AXIN2: variants seen among roughly 807,000 people sequenced by gnomAD.
The protein encoded by AXIN2 is axin-2.
In AXIN2, 21 loss-of-function variants were observed where a neutral mutation model predicts 74.7. The observed-to-expected ratio is 0.28, with a 90% CI of 0.20 to 0.40. The LOEUF (loss-of-function observed/expected upper bound fraction) is 0.40. AXIN2 is among the 10% of genes least tolerant of loss of function. AXIN2 has a pLI of 1.00. For missense variants in AXIN2, 1,144 were observed against 1,111.1 expected (o/e 1.03, Z -0.42); for synonymous variants, 532 against 454.9 (o/e 1.17, Z -2.16).
chr17:65,560,189 T>C (rs1217248705), intron 1 of AXIN2: 1 of 151,968 alleles, frequency 6.6e-6, no homozygotes, highest in Admixed American at 6.5e-5. Flanking sequence ...AGTCCAGAAA[T>C]GGCGACGCGC....
intron 4 of AXIN2, among the ~76,000 whole-genome samples, chr17:65,539,120 GCAAA>G (rs1426510322): frequency 1.3e-5 from 2 of 152,192 alleles, no homozygotes; most frequent in Admixed American, 6.5e-5. Context: ...GCCAAAAGCA[GCAAA>G]CAGAGAGAAC....
intron 2 of AXIN2, among the ~76,000 whole-genome samples, chr17:65,555,030 A>T (rs188330756): frequency 6.6e-6 from 1 of 152,202 alleles, no homozygotes; most frequent in East Asian, 1.9e-4. Flanking sequence ...AACCACTCAG[A>T]CCAGAGTCCT....
rs1567749073 is a variant in AXIN2 at position 65,529,302 on chromosome 17, G to A, written c.*674C>T. Reference sequence around the variant, plus strand: ...CAAAATGTTGATGATGACGCAACATGGTCAACCCTCAAGACCTTTAAGACA... The same window carrying A: ...CAAAATGTTGATGATGACGCAACATAGTCAACCCTCAAGACCTTTAAGACA... On this transcript the variant is annotated 3_prime_UTR_variant, in exon 11 of 11. Coordinates refer to ENST00000307078, the MANE Select transcript of AXIN2 (RefSeq NM_004655.4). 4.7e-5 allele frequency: 11 copies of A among 236,448 alleles called. No homozygotes were observed. In the South Asian group the frequency reaches 1.9e-3, roughly 42 times the overall value. 14.6% of individuals were successfully genotyped at this position (236,448 alleles called of 1,614,324 possible).
intron 10 of AXIN2, 99 bp downstream of exon 10, chr17:65,533,812 GC>G: frequency 1.6e-6 from 1 of 610,176 alleles, no homozygotes; most frequent in Non-Finnish European, 2.8e-6. Flanking sequence ...CTCCCACCCT[GC>G]CCCACCTAGG....
intron 4 of AXIN2, among the ~76,000 whole-genome samples, chr17:65,539,296 G>A (rs1238443468): frequency 2.0e-5 from 3 of 152,114 alleles, no homozygotes; most frequent in Non-Finnish European, 2.9e-5. Flanking sequence ...GCAAAGGCTA[G>A]CATCTCCCCC....
chr17:65,537,890 G>A (rs1328794273), intron 5 of AXIN2, 55 bp from the exon 6 acceptor site: 5 of 1,496,842 alleles, frequency 3.3e-6, no homozygotes, highest in East Asian at 2.4e-5. Context: ...AGGGCCAGAG[G>A]CCCTGGGGTT....
At chr17:65,540,890 TTTTTC>T (rs1314510368) in intron 4 of AXIN2, among the ~76,000 whole-genome samples, 2 of 152,148 alleles carry the variant, frequency 1.3e-5, no homozygotes, top group Non-Finnish European at 2.9e-5. Context: ...TTTTCTTTGT[TTTTTC>T]TTTTGAGAAG....
intron 9 of AXIN2, 144 bp downstream of exon 9, chr17:65,535,482 T>A: frequency 1.2e-6 from 1 of 801,442 alleles, no homozygotes; most frequent in Non-Finnish European, 2.1e-6. Context: ...AACATCTACG[T>A]TTACTGTTCC....
intron 1 of AXIN2, chr17:65,560,825 C>T (rs942130893): frequency 3.3e-5 from 5 of 150,628 alleles, no homozygotes; most frequent in African/African-American, 1.2e-4. Flanking sequence ...CGGCACTCAC[C>T]ATTGATCCCC....
At position 65,529,864 on chromosome 17, in the gene AXIN2, C is replaced by A; in HGVS notation, c.*112G>T. The A allele has an allele frequency of 1.3e-6, 2 of 1,582,344 alleles. No individual in the cohort carries two copies. Among genetic ancestry groups the A allele is most frequent in the Non-Finnish European group, 8.6e-7 (1 of 1,159,708 alleles). On this transcript the variant is annotated 3_prime_UTR_variant, in exon 11 of 11. Coordinates refer to ENST00000307078, the MANE Select transcript of AXIN2 (RefSeq NM_004655.4). ...TGGCCGATTCTTCCTTAGACTTTGT[C>A]TTCTTCATTGGTTTAATTTTCCTTC...
At chr17:65,557,181 C>G (rs1321988030) in intron 2 of AXIN2, among the ~76,000 whole-genome samples, 1 of 152,196 alleles carries the variant, frequency 6.6e-6, no homozygotes, top group African/African-American at 2.4e-5. Flanking sequence ...TGCCAGCAAG[C>G]TCTAAAGGTA....
At position 65,557,849 on chromosome 17, in the gene AXIN2, T is replaced by C. The variant is rs1183931601; in HGVS notation, c.772A>G (p.Thr258Ala). The C allele has an allele frequency of 6.2e-7, 1 of 1,614,194 alleles. No homozygotes were observed. The highest frequency in any genetic ancestry group is 8.5e-7 in the Non-Finnish European group (1 of 1,180,030). ...VGLSSKTLRA[T>A]ASVRSTETVD... The stretch of plus-strand genomic sequence containing the variant: ...GTTTCCGTGGACCTCACACTCGCCG[T>C]GGCCCTCAGAGTTTTGCTGGACAAG... The change falls in exon 2 of 11, where the codon ACG becomes GCG. Residue 258 changes from threonine to alanine, a missense_variant. Physicochemically the swap from Thr to Ala is moderately conservative, Grantham distance 58 (BLOSUM62 0). Transcript: ENST00000307078.
chr17:65,555,999 G>A (rs1041646185), intron 2 of AXIN2, among the ~76,000 whole-genome samples: 3 of 152,036 alleles, frequency 2.0e-5, no homozygotes, highest in Admixed American at 1.3e-4. Flanking sequence ...TGATGTCCAC[G>A]GTTCACAGCC....
At position 65,530,060 on chromosome 17, in the gene AXIN2, C is replaced by T. The variant is rs752357462; in HGVS notation, c.2448G>A (p.Ala816=). The T allele has an allele frequency of 7.4e-6, 12 of 1,614,034 alleles. No homozygotes were observed. Among genetic ancestry groups the T allele is most frequent in the East Asian group, 2.2e-5 (1 of 44,894 alleles). The change falls in exon 11 of 11, where the codon GCG becomes GCA. Residue 816 remains alanine, a synonymous_variant. Coordinates refer to ENST00000307078, the MANE Select transcript of AXIN2 (RefSeq NM_004655.4). The stretch of plus-strand genomic sequence containing the variant: ...CATCCTCCCAGATCTCCTCAAACAC[C>T]GCTCCACAGGCAAACTCATCGCTTG... The part of the protein sequence containing the change: ...KKASDEFACG[A]VFEEIWEDET...
At chr17:65,552,264 G>A (rs1257760330) in intron 2 of AXIN2, among the ~76,000 whole-genome samples, 2 of 152,166 alleles carry the variant, frequency 1.3e-5, no homozygotes, top group African/African-American at 4.8e-5. Flanking sequence ...GAAGAACAAG[G>A]GGAAATAGAC....
At chr17:65,533,775 A>G (rs925142353) in intron 10 of AXIN2, 137 bp downstream of exon 10, 195 of 985,456 alleles carry the variant, frequency 2.0e-4, no homozygotes, top group Non-Finnish European at 2.9e-4. Flanking sequence ...ATGAGAAGGG[A>G]GCCTCCCCCA....
intron 3 of AXIN2, among the ~76,000 whole-genome samples, chr17:65,546,026 G>A (rs2044112985): frequency 6.6e-6 from 1 of 151,798 alleles, no homozygotes; most frequent in African/African-American, 2.4e-5. Context: ...ATTGAAGGCT[G>A]CCTGTGACCC....
At chr17:65,532,850 T>C (rs2043846929) in intron 10 of AXIN2, among the ~76,000 whole-genome samples, 1 of 152,208 alleles carries the variant, frequency 6.6e-6, no homozygotes, top group Admixed American at 6.5e-5. Flanking sequence ...GCTGAGGAGT[T>C]GGAACTCTGT....
chr17:65,538,153 G>A (rs373945507), intron 5 of AXIN2, 50 bp downstream of exon 5: 16 of 1,613,188 alleles, frequency 9.9e-6, no homozygotes, highest in East Asian at 2.2e-5. Context: ...ATACACATAC[G>A]AGCGCTCACG....
Sources: gnomAD v4.1 joint callset for allele counts (sites outside exome capture counted in the v4.1 genomes callset) on GRCh38, gnomAD v4.1.1 for gene constraint, MANE v1.5 for transcripts, NCBI Gene and HGNC (gene_info 2026-07-23, HGNC 2026-07-21) for gene names.